The following OR10A3 variants were observed in gnomAD, a reference collection of about 807,000 sequenced individuals.
OR10A3 encodes olfactory receptor 10A3.
In OR10A3, 1 loss-of-function variant was observed where a neutral mutation model predicts 1.5. The ratio of observed to expected loss-of-function variants is 0.66; its 90% CI spans 0.23 to 3.11. The LOEUF (loss-of-function observed/expected upper bound fraction) is 3.11, where lower values mean the gene tolerates loss of function less well. Among genes scored for constraint, OR10A3 ranks in the 30% most tolerant of loss-of-function variants. The pLI, the probability that OR10A3 is intolerant of heterozygous loss-of-function variation, is 0.21. For synonymous variants in OR10A3, 145 were observed against 143.7 expected (o/e 1.01, Z -0.06); for missense variants, 398 against 369.7 (o/e 1.08, Z -0.63).
chr11:7,939,312 T>A lies in OR10A3; in HGVS notation c.209A>T (p.Glu70Val). ...CGTAATGACTGCACTGAAACTCACC[T>A]CCACCACAGATAGGTTCAGGAGGAA... ...YLFLLNLSVV[E>V]VSFSAVITPE... is the part of the protein sequence containing the mutation. Residue 70 changes from glutamate (E) to valine (V), a missense_variant, in exon 2 of 2, where the codon GAG becomes GTG. Physicochemically the swap from Glu to Val is moderately radical, Grantham distance 121. Transcript: ENST00000642047. 2 of 1,614,072 alleles carry A rather than the reference T, an allele frequency of 1.2e-6. No individual in the cohort carries two copies. The highest frequency in any genetic ancestry group is 1.7e-4 in the Middle Eastern group (1 of 6,060).
rs764677096 is a variant in OR10A3, at chr11:7,938,993, A to T, written c.528T>A (p.His176Gln). 5.0e-6 allele frequency: 8 copies of T among 1,614,088 alleles called. No homozygotes were observed. Among genetic ancestry groups the T allele is most frequent in the Non-Finnish European group, 6.8e-6 (8 of 1,180,048 alleles). ...GTACCGGGGGAGTCTCACAGAAGAG[A>T]TGATTAATTTCATTGGGGCCACAAA... ...FPFCGPNEIN[H>Q]LFCETPPVLE... Residue 176 changes from histidine to glutamine, a missense_variant, in exon 2 of 2, where the codon CAT becomes CAA. Transcript: ENST00000642047.
chr11:7,938,730 G>A lies in OR10A3; in HGVS notation c.791C>T (p.Ser264Phe). ...TTTCTTGGTTTCGGGTGAGTAGCCA[G>A]ATTTGGGTTGTAAATAAGTCATATT... ...TANMTYLQPK[S>F]GYSPETKKLI... Residue 264 changes from serine to phenylalanine, a missense_variant, in exon 2 of 2, where the codon TCT becomes TTT. Coordinates refer to ENST00000642047, the MANE Select transcript of OR10A3 (RefSeq NM_001003745.2). 6.2e-7 allele frequency: 1 copy of A among 1,614,200 alleles called. No individual in the cohort carries two copies.
At position 7,937,238 on chromosome 11, in the gene OR10A3, A is replaced by G. The variant is rs571036801; in HGVS notation, c.*1338T>C. On this transcript the variant is annotated 3_prime_UTR_variant, in exon 2 of 2. Coordinates refer to ENST00000642047, the MANE Select transcript of OR10A3 (RefSeq NM_001003745.2). ...TATGTATTGCCTATTCCCAAATAAT[A>G]TACACAAATTATAATGACACCCCTT... is the stretch of plus-strand genomic sequence containing the variant. 3.3e-5 allele frequency: 5 copies of G among 152,344 alleles called. No individual in the cohort carries two copies. The highest frequency in any genetic ancestry group is 1.2e-4 in the African/African-American group (5 of 41,574). 9.4% of individuals were successfully genotyped at this position (152,344 alleles called of 1,614,324 possible).
rs1941385658 is a variant in OR10A3, at chr11:7,938,369, TG to T, written c.*206del. 4.1e-6 allele frequency: 2 copies of T among 493,466 alleles called. No homozygotes were observed. The highest frequency in any genetic ancestry group is 3.9e-5 in the African/African-American group (2 of 50,688). 30.6% of individuals were successfully genotyped at this position (493,466 alleles called of 1,614,324 possible). ...TGGATGTTCATAATAGAGAAATGGATGAATAAACTGTTGTGTCATGTTATGA... is the reference window on the plus strand; with the variant it reads ...TGGATGTTCATAATAGAGAAATGGATAATAAACTGTTGTGTCATGTTATGA... On this transcript the variant is annotated 3_prime_UTR_variant, in exon 2 of 2. Coordinates refer to ENST00000642047, the MANE Select transcript of OR10A3 (RefSeq NM_001003745.2).
chr11:7,938,456 TAAAA>T lies in OR10A3; in HGVS notation c.*116_*119del. The T allele has an allele frequency of 2.7e-6, 2 of 742,574 alleles. No homozygotes were observed. Among genetic ancestry groups the T allele is most frequent in the Non-Finnish European group, 4.3e-6 (2 of 465,278 alleles). 46.0% of individuals were successfully genotyped at this position (742,574 alleles called of 1,614,324 possible). On this transcript the variant is annotated 3_prime_UTR_variant, in exon 2 of 2. Coordinates refer to ENST00000642047, the MANE Select transcript of OR10A3 (RefSeq NM_001003745.2). ...TTCTTTATTGAGATACGTTTTCCAA[TAAAA>T]AAACTCAACAAACTTACATAGTCAT...
At position 7,939,373 on chromosome 11, in the gene OR10A3, A is replaced by T; in HGVS notation, c.148T>A (p.Ser50Thr). 6.2e-7 allele frequency: 1 copy of T among 1,614,202 alleles called. No individual in the cohort carries two copies. The highest frequency in any genetic ancestry group is 8.5e-7 in the Non-Finnish European group (1 of 1,180,020). ...GGAACGTGGAGGCTCTGGTTTAAGG[A>T]GATGATGACTGTAATGATGGCATTT... The part of the protein sequence containing the change: ...MGNAIITVII[S>T]LNQSLHVPMY... The change falls in exon 2 of 2, where the codon TCC (serine) becomes ACC (threonine). Residue 50 changes from serine (S) to threonine (T), a missense_variant. Transcript: ENST00000642047.
intron 1 of OR10A3, among the ~76,000 whole-genome samples, chr11:7,940,192 A>G (rs1402230022): frequency 6.6e-6 from 1 of 152,190 alleles, no homozygotes; most frequent in Non-Finnish European, 1.5e-5. Context: ...AACATGGAGT[A>G]GTGGTGGGTG....
In OR10A3 at chr11:7,939,625, T is replaced by C; in HGVS notation, c.-105A>G. 2 of 829,966 alleles carry C rather than the reference T, an allele frequency of 2.4e-6. No individual in the cohort carries two copies. Among genetic ancestry groups the C allele is most frequent in the Admixed American group, 3.2e-5 (1 of 31,450 alleles). The allele number at this position is 829,966 out of a possible 1,614,324, so 51.4% of individuals were successfully genotyped here. A position where few individuals can be genotyped will look rare whatever the true frequency, so the allele number is the denominator to read the frequency against. On this transcript the variant is annotated 5_prime_UTR_variant, in exon 2 of 2. Coordinates refer to ENST00000642047, the MANE Select transcript of OR10A3 (RefSeq NM_001003745.2). ...AGTCTGGAATTCTTGACAGCAGATG[T>C]AATGACAAGCTCATTTTGACAGAAC...
Position 7,938,925 on chromosome 11 carries a change from GC to G in OR10A3, c.595del (p.Ala199ProfsTer7). 2 of 1,614,122 alleles carry G rather than the reference GC, an allele frequency of 1.2e-6. No homozygotes were observed. The highest frequency in any genetic ancestry group is 1.3e-5 in the African/African-American group (1 of 75,048). On this transcript the variant is annotated frameshift_variant, in exon 2 of 2. Coordinates refer to ENST00000642047, the MANE Select transcript of OR10A3 (RefSeq NM_001003745.2). LOFTEE classifies it high-confidence loss of function. The part of the protein sequence containing the change: ...CADTFLFEIY[A>X]FTGTILIVMV... ...AACAATCAAAATGGTGCCTGTGAAGGCATAGATTTCAAATAAGAAGGTGTCT... is the reference window on the plus strand; with the variant it reads ...AACAATCAAAATGGTGCCTGTGAAGGATAGATTTCAAATAAGAAGGTGTCT...
Position 7,937,764 on chromosome 11 carries a change from A to T in OR10A3, c.*812T>A, listed in dbSNP as rs951444563. ...AACAAATTTTCAATCCAAAAATAGA[A>T]ACATCATCACCTTATTTGTTGGTCT... On this transcript the variant is annotated 3_prime_UTR_variant, in exon 2 of 2. Coordinates refer to ENST00000642047, the MANE Select transcript of OR10A3 (RefSeq NM_001003745.2). The T allele has an allele frequency of 1.3e-5, 2 of 152,220 alleles. No homozygotes were observed. The highest frequency in any genetic ancestry group is 2.4e-5 in the African/African-American group (1 of 41,452). The allele number at this position is 152,220 out of a possible 1,614,324, so 9.4% of individuals were successfully genotyped here.
At chr11:7,941,224 G>T (rs577207305) in intron 1 of OR10A3, among the ~76,000 whole-genome samples, 1 of 152,210 alleles carries the variant, frequency 6.6e-6, no homozygotes, top group Admixed American at 6.5e-5. Flanking sequence ...AACTTTTAAG[G>T]AGCTGATAAA....
At chr11:7,940,506 T>A (rs577145856) in intron 1 of OR10A3, among the ~76,000 whole-genome samples, 1 of 152,180 alleles carries the variant, frequency 6.6e-6, no homozygotes, top group East Asian at 1.9e-4. Context: ...AACGGAAACC[T>A]AACTGGCTAT....
In OR10A3 at chr11:7,937,208, A is replaced by G. The variant is rs1419700369; in HGVS notation, c.*1368T>C. On this transcript the variant is annotated 3_prime_UTR_variant, in exon 2 of 2. Coordinates refer to ENST00000642047, the MANE Select transcript of OR10A3 (RefSeq NM_001003745.2). Reference sequence around the variant, plus strand: ...AACCAGTTTAAATAGACACACAGATATATATATGTATTGCCTATTCCCAAA... The same window carrying G: ...AACCAGTTTAAATAGACACACAGATGTATATATGTATTGCCTATTCCCAAA... 3.3e-5 allele frequency: 5 copies of G among 152,228 alleles called. No individual in the cohort carries two copies. The highest frequency in any genetic ancestry group is 4.8e-5 in the African/African-American group (2 of 41,450). 9.4% of individuals were successfully genotyped at this position (152,228 alleles called of 1,614,324 possible).
In OR10A3 at chr11:7,937,643, GA is replaced by G. The variant is rs1941374893; in HGVS notation, c.*932del. On this transcript the variant is annotated 3_prime_UTR_variant, in exon 2 of 2. Transcript: ENST00000642047. ...ATAAATATTTGGAAAGATACCAAGA[GA>G]AATCCAGTTTGGGATTATAATTTGT... The G allele has an allele frequency of 6.6e-6, 1 of 152,144 alleles. No individual in the cohort carries two copies. Among genetic ancestry groups the G allele is most frequent in the South Asian group, 2.1e-4 (1 of 4,830 alleles). 9.4% of individuals were successfully genotyped at this position (152,144 alleles called of 1,614,324 possible). A position where few individuals can be genotyped will look rare whatever the true frequency, so the allele number is the denominator to read the frequency against.
At position 7,938,365 on chromosome 11, in the gene OR10A3, T is replaced by G; in HGVS notation, c.*211A>C. Reference sequence around the variant, plus strand: ...TACTTGGATGTTCATAATAGAGAAATGGATGAATAAACTGTTGTGTCATGT... The same window carrying G: ...TACTTGGATGTTCATAATAGAGAAAGGGATGAATAAACTGTTGTGTCATGT... On this transcript the variant is annotated 3_prime_UTR_variant, in exon 2 of 2. Coordinates refer to ENST00000642047, the MANE Select transcript of OR10A3 (RefSeq NM_001003745.2). The G allele has an allele frequency of 2.1e-6, 1 of 479,304 alleles. No homozygotes were observed. The highest frequency in any genetic ancestry group is 3.6e-6 in the Non-Finnish European group (1 of 274,966). 29.7% of individuals were successfully genotyped at this position (479,304 alleles called of 1,614,324 possible). A position where few individuals can be genotyped will look rare whatever the true frequency, so the allele number is the denominator to read the frequency against.
chr11:7,938,301 C>CAAAAAAA lies in OR10A3; in HGVS notation c.*268_*274dup. The CAAAAAAA allele has an allele frequency of 5.8e-6, 1 of 173,820 alleles. No homozygotes were observed. Among genetic ancestry groups the CAAAAAAA allele is most frequent in the South Asian group, 1.1e-4 (1 of 8,904 alleles). 10.8% of individuals were successfully genotyped at this position (173,820 alleles called of 1,614,324 possible). ...CCTGGGCTGGAGCGAAACTCCATCT[C>CAAAAAAA]AAAAAAAAAAAAAAAAAAAATGACA... is the stretch of plus-strand genomic sequence containing the variant. On this transcript the variant is annotated 3_prime_UTR_variant, in exon 2 of 2. Transcript: ENST00000642047.
intron 1 of OR10A3, among the ~76,000 whole-genome samples, chr11:7,939,927 G>A (rs957440547): frequency 1.3e-5 from 2 of 152,154 alleles, no homozygotes; most frequent in Admixed American, 6.5e-5. Flanking sequence ...GATTCTTCAA[G>A]CAAAGAGCAA....
chr11:7,939,558 G>A lies in OR10A3; in HGVS notation c.-38C>T. 6.9e-7 allele frequency: 1 copy of A among 1,441,832 alleles called. No homozygotes were observed. Among genetic ancestry groups the A allele is most frequent in the Non-Finnish European group, 9.4e-7 (1 of 1,066,580 alleles). 89.3% of individuals were successfully genotyped at this position (1,441,832 alleles called of 1,614,324 possible). On this transcript the variant is annotated 5_prime_UTR_variant, in exon 2 of 2. Coordinates refer to ENST00000642047, the MANE Select transcript of OR10A3 (RefSeq NM_001003745.2). ...AACTTATATTGTTTTTATGGACCTG[G>A]TATATCGAGTATGAAGTCGTAATCC...
At chr11:7,939,895 C>T (rs888839683) in intron 1 of OR10A3, among the ~76,000 whole-genome samples, 197 bp from the exon 2 acceptor site, 1 of 152,156 alleles carries the variant, frequency 6.6e-6, no homozygotes, top group Admixed American at 6.6e-5. Flanking sequence ...AAGGCAGGAG[C>T]CTATACCTCT....
Sources: gnomAD v4.1 joint callset for allele counts (sites outside exome capture counted in the v4.1 genomes callset) on GRCh38, gnomAD v4.1.1 for gene constraint, MANE v1.5 for transcripts, NCBI Gene and HGNC (gene_info 2026-07-23, HGNC 2026-07-21) for gene names.